Variants in ADGRL2 observed in about 807,000 individuals in gnomAD.
The protein encoded by ADGRL2 is adhesion G protein-coupled receptor L2, also known as calcium-independent alpha-latrotoxin receptor 2.
ADGRL2 carries 44 observed loss-of-function variants against 157.4 expected under a neutral mutation model. The observed-to-expected ratio is 0.28, with a 90% confidence interval of 0.22 to 0.36. The LOEUF is 0.36. Ranked by LOEUF, ADGRL2 falls within the 10% of genes least tolerant of loss-of-function variation. The pLI is 1.00. For missense variants in ADGRL2, 1,510 were observed against 1,768.9 expected, an observed-to-expected ratio of 0.85 and a Z score of 2.63; for synonymous variants, 585 against 624.7, an observed-to-expected ratio of 0.94 and a Z score of 0.95.
Position 81,426,802 on chromosome 1 carries a change from A to G in ADGRL2, c.-301-18234A>G. The stretch of plus-strand genomic sequence containing the variant: ...GATAACTCTTTCTAGAGAGGAGTCG[A>G]TAAAGCCTGATGCCCATCTACCAGT... On this transcript the variant is annotated intron_variant, in intron 1 of 24. Coordinates refer to the ADGRL2 transcript ENST00000370721. 4.9e-5 allele frequency: 24 copies of G among 494,072 alleles called. 1 individual carries two copies. Among genetic ancestry groups the G allele is most frequent in the South Asian group, 4.0e-4 (24 of 60,210 alleles). 30.6% of individuals were successfully genotyped at this position (494,072 alleles called of 1,614,324 possible).
chr1:81,375,717 G>A (rs2076237344), intron 1 of ADGRL2, among the ~76,000 whole-genome samples: 1 of 152,068 alleles, frequency 6.6e-6, no homozygotes, highest in South Asian at 2.1e-4. Context: ...ATGACTCCTT[G>A]ACTATGTCCA....
intron 1 of ADGRL2, among the ~76,000 whole-genome samples, chr1:81,747,029 T>C (rs2085293587): frequency 6.9e-6 from 1 of 145,414 alleles, no homozygotes; most frequent in African/African-American, 2.5e-5. Flanking sequence ...TACACGTGTA[T>C]ATACGTATAT....
chr1:81,767,797 G>T (rs866701544), intron 2 of ADGRL2, among the ~76,000 whole-genome samples: 1 of 147,868 alleles, frequency 6.8e-6, no homozygotes, highest in South Asian at 2.1e-4. Context: ...AATGGAGGCT[G>T]CAGTGAGCTG....
At chr1:81,735,600 G>A (rs2084868526) in intron 1 of ADGRL2, among the ~76,000 whole-genome samples, 1 of 151,112 alleles carries the variant, frequency 6.6e-6, no homozygotes, top group Non-Finnish European at 1.5e-5. Context: ...GAACAGCCTA[G>A]CCAACATGGT....
chr1:81,833,915 A>C (rs568098532), intron 1 of ADGRL2, among the ~76,000 whole-genome samples: 1 of 152,318 alleles, frequency 6.6e-6, no homozygotes, highest in African/African-American at 2.4e-5. Flanking sequence ...CTTAGATCAA[A>C]AAAAATGACA....
chr1:81,665,434 C>T (rs2082733225), intron 3 of ADGRL2, among the ~76,000 whole-genome samples: 1 of 152,012 alleles, frequency 6.6e-6, no homozygotes, highest in Non-Finnish European at 1.5e-5. Context: ...CTTTATTAAG[C>T]AATATAGGCA....
At chr1:81,339,211 C>T (rs186407818) in intron 1 of ADGRL2, among the ~76,000 whole-genome samples, 22 of 152,236 alleles carry the variant, frequency 1.4e-4, no homozygotes, top group East Asian at 3.9e-4. Flanking sequence ...ATAGGGAAGG[C>T]GCTCCATTTC....
At chr1:81,464,867 A>C (rs1274978715) in intron 2 of ADGRL2, among the ~76,000 whole-genome samples, 1 of 150,882 alleles carries the variant, frequency 6.6e-6, no homozygotes, top group Admixed American at 6.6e-5. Flanking sequence ...AAGACAGCAG[A>C]GTTCAAAAAG....
chr1:81,407,899 C>T (rs1014944144), intron 1 of ADGRL2, among the ~76,000 whole-genome samples: 1 of 152,140 alleles, frequency 6.6e-6, no homozygotes, highest in Non-Finnish European at 1.5e-5. Context: ...TTGCCAAGAT[C>T]ATCTGAGAAA....
intron 3 of ADGRL2, among the ~76,000 whole-genome samples, chr1:81,645,860 T>G (rs2082306103): frequency 6.6e-6 from 1 of 152,182 alleles, no homozygotes; most frequent in Non-Finnish European, 1.5e-5. Flanking sequence ...TGTATGACTC[T>G]CCTTTCATAA....
chr1:81,462,713 CTT>C (rs371457265), intron 2 of ADGRL2, among the ~76,000 whole-genome samples: 248 of 152,254 alleles, frequency 1.6e-3, no homozygotes, highest in African/African-American at 5.7e-3. Context: ...CTTTTTAAGA[CTT>C]TTTGATCATT....
intron 22 of ADGRL2, chr1:81,987,306 CT>C (rs1204796614): frequency 6.3e-7 from 1 of 1,595,378 alleles, no homozygotes; most frequent in East Asian, 2.2e-5. Context: ...ATCACATGGT[CT>C]GAGAGCCCAT....
At chr1:81,325,306 G>A (rs931014341) in intron 1 of ADGRL2, among the ~76,000 whole-genome samples, 2 of 152,268 alleles carry the variant, frequency 1.3e-5, no homozygotes, top group African/African-American at 2.4e-5. Flanking sequence ...TCTTCTGGCA[G>A]AGTCAGAAGT....
intron 2 of ADGRL2, among the ~76,000 whole-genome samples, chr1:81,483,547 C>A (rs78871465): frequency 0.018 from 2,779 of 152,034 alleles, 74 homozygotes; most frequent in East Asian, 0.13. Flanking sequence ...TACATAAAAC[C>A]CAAAACTGCA....
intron 2 of ADGRL2, among the ~76,000 whole-genome samples, chr1:81,839,863 A>T (rs2793384): frequency 2.3e-4 from 25 of 110,104 alleles, no homozygotes; most frequent in African/African-American, 3.7e-4. Flanking sequence ...ATATATATAT[A>T]TTTTCCATCA....
At chr1:81,460,883 A>G (rs2077912109) in intron 2 of ADGRL2, among the ~76,000 whole-genome samples, 1 of 152,224 alleles carries the variant, frequency 6.6e-6, no homozygotes, top group African/African-American at 2.4e-5. Flanking sequence ...TTTCAGGATC[A>G]TCTATCTTGC....
Position 81,675,597 on chromosome 1 carries a change from T to C in ADGRL2, c.-142-86214T>C, listed in dbSNP as rs543244029. Among the ~76,000 whole-genome samples the C allele has an allele frequency of 2.0e-5, 3 of 152,124 alleles. No homozygotes were observed. The South Asian group carries it at 6.2e-4, about 32-fold the overall frequency. ...GTTTTTTTTTTTTTTTCTTATTTTA[T>C]TTGAGACAGAGTCTCACTCTGTCAC... On this transcript the variant is annotated intron_variant, in intron 3 of 24. Transcript: ENST00000370721.
At chr1:81,795,196 T>C (rs1474310270) in intron 2 of ADGRL2, among the ~76,000 whole-genome samples, 5 of 151,982 alleles carry the variant, frequency 3.3e-5, no homozygotes, top group South Asian at 2.1e-4. Flanking sequence ...CTGGGCAACA[T>C]AGGGAGACCC....
At chr1:81,734,142 GGT>G (rs2084817681) in intron 1 of ADGRL2, among the ~76,000 whole-genome samples, 4 of 151,134 alleles carry the variant, frequency 2.6e-5, no homozygotes, top group Admixed American at 6.6e-5. Context: ...CAGGCATGGT[GGT>G]GCATGCCTGT....
Sources: allele counts gnomAD v4.1 joint callset (sites outside exome capture counted in the v4.1 genomes callset), GRCh38; gene constraint gnomAD v4.1.1; transcripts MANE v1.5; gene names NCBI Gene and HGNC (gene_info 2026-07-23, HGNC 2026-07-21).